The following GALNT4 variants were observed in gnomAD, a reference collection of about 807,000 sequenced individuals.
The protein encoded by GALNT4 is UDP-GalNAc:polypeptide N-acetylgalactosaminyltransferase 4.
Under a neutral mutation model 45.1 loss-of-function variants are expected in GALNT4, and 23 were observed. That is an observed-to-expected ratio of 0.51 (90% confidence interval 0.37 to 0.72). The LOEUF (loss-of-function observed/expected upper bound fraction) is 0.72. Ranked by LOEUF, GALNT4 falls within the 30% of genes least tolerant of loss-of-function variation. The probability of loss-of-function intolerance (pLI) is 0.00; values close to 1 mark genes in which losing one functional copy is unlikely to be tolerated. For synonymous variants in GALNT4, 264 were observed against 257.6 expected, an observed-to-expected ratio of 1.02 and a Z score of -0.24; for missense variants, 757 against 709.0, an observed-to-expected ratio of 1.07 and a Z score of -0.77.
Position 89,523,794 on chromosome 12 carries a change from C to CA in GALNT4, c.755dup (p.Cys253ValfsTer8). 2 of 1,535,122 alleles carry CA rather than the reference C, an allele frequency of 1.3e-6. No individual in the cohort carries two copies. Among genetic ancestry groups the CA allele is most frequent in the Non-Finnish European group, 1.7e-6 (2 of 1,146,370 alleles). On this transcript the variant is annotated frameshift_variant, in exon 1 of 1. Coordinates refer to ENST00000529983, the MANE Select transcript of GALNT4 (RefSeq NM_003774.5). LOFTEE classifies it high-confidence loss of function. ...AATCAATTGTGTCTATAACAGGACA[C>CA]ACAACTGCTGTTTCATCTCTCCCAA...
In GALNT4 at chr12:89,524,371, G is replaced by A; in HGVS notation, c.179C>T (p.Ser60Phe). ...SDLQKNTEDL[S>F]RPLYKKPPAD... Reference sequence around the variant, plus strand: ...AGGGGGCTTCTTATAAAGCGGTCGAGACAAATCCTCCGTATTTTTCTGGAG... The same window carrying A: ...AGGGGGCTTCTTATAAAGCGGTCGAAACAAATCCTCCGTATTTTTCTGGAG... Residue 60 changes from serine (S) to phenylalanine (F), a missense_variant, in exon 1 of 1, where the codon TCT becomes TTT. Ser to Phe is a radical substitution (Grantham distance 155). Transcript: ENST00000529983. 1 of 1,614,040 alleles carries A rather than the reference G, an allele frequency of 6.2e-7. No individual in the cohort carries two copies. The highest frequency in any genetic ancestry group is 1.3e-5 in the African/African-American group (1 of 75,046).
chr12:89,523,875 G>T lies in GALNT4; in HGVS notation c.675C>A (p.Phe225Leu). The T allele has an allele frequency of 6.4e-7, 1 of 1,571,114 alleles. No homozygotes were observed. ...ATFATGDVLT[F>L]LDCHCECNSG... Reference sequence around the variant, plus strand: ...AATTACACTCACAGTGACAATCCAGGAAAGTGAGGACGTCCCCAGTGGCGA... The same window carrying T: ...AATTACACTCACAGTGACAATCCAGTAAAGTGAGGACGTCCCCAGTGGCGA... Residue 225 changes from phenylalanine (F) to leucine (L), a missense_variant, in exon 1 of 1, where the codon TTC (phenylalanine) becomes TTA (leucine). Phe to Leu is a conservative substitution (Grantham distance 22, BLOSUM62 0). Transcript: ENST00000529983.
chr12:89,523,125 A>C lies in GALNT4; in HGVS notation c.1425T>G (p.Phe475Leu). The C allele has an allele frequency of 6.2e-7, 1 of 1,613,992 alleles. No homozygotes were observed. The highest frequency in any genetic ancestry group is 8.5e-7 in the Non-Finnish European group (1 of 1,179,824). ...GATTGCCTCCTTGACCATGGCATCC[A>C]AACAGTGAAAGGTTAGCACCTGTGG... is the stretch of plus-strand genomic sequence containing the variant. ...NNPTGANLSL[F>L]GCHGQGGNQF... is the part of the protein sequence containing the mutation. Residue 475 changes from phenylalanine to leucine, a missense_variant, in exon 1 of 1, where the codon TTT becomes TTG. Transcript: ENST00000529983.
rs781692884 is a variant in GALNT4 at position 89,523,899 on chromosome 12, G to T, written c.651C>A (p.Phe217Leu). Reference sequence around the variant, plus strand: ...GGAAAGTGAGGACGTCCCCAGTGGCGAAAGTGGCCCCAATCAGACGGGCCC... The same window carrying T: ...GGAAAGTGAGGACGTCCCCAGTGGCTAAAGTGGCCCCAATCAGACGGGCCC... ...LVRARLIGAT[F>L]ATGDVLTFLD... is the part of the protein sequence containing the mutation. Residue 217 changes from phenylalanine (F) to leucine (L), a missense_variant, in exon 1 of 1, where the codon TTC becomes TTA. Coordinates refer to ENST00000529983, the MANE Select transcript of GALNT4 (RefSeq NM_003774.5). 1.3e-6 allele frequency: 2 copies of T among 1,588,440 alleles called. No homozygotes were observed. Among genetic ancestry groups the T allele is most frequent in the South Asian group, 2.3e-5 (2 of 86,576 alleles).
Position 89,523,447 on chromosome 12 carries a change from GC to G in GALNT4, c.1102del (p.Ala368HisfsTer52). 6.2e-7 allele frequency: 1 copy of G among 1,614,050 alleles called. No individual in the cohort carries two copies. The highest frequency in any genetic ancestry group is 1.1e-5 in the South Asian group (1 of 91,062). On this transcript the variant is annotated frameshift_variant, in exon 1 of 1. Coordinates refer to ENST00000529983, the MANE Select transcript of GALNT4 (RefSeq NM_003774.5). LOFTEE classifies it high-confidence loss of function. ...SHVGHVFPKR[A>X]PYARPNFLQN... Reference sequence around the variant, plus strand: ...TAGGAAATTGGGGCGAGCATATGGTGCCCGCTTGGGGAACACATGGCCCACG... The same window carrying G: ...TAGGAAATTGGGGCGAGCATATGGTGCCGCTTGGGGAACACATGGCCCACG...
In GALNT4 at chr12:89,524,097, C is replaced by T; in HGVS notation, c.453G>A (p.Leu151=). The change falls in exon 1 of 1, where the codon TTG becomes TTA. Residue 151 remains leucine (L), a synonymous_variant. Coordinates refer to ENST00000529983, the MANE Select transcript of GALNT4 (RefSeq NM_003774.5). ...IAFYNEAWST[L]LRTIHSVLET... is the part of the protein sequence containing the mutation. Reference sequence around the variant, plus strand: ...CTAAAACACTGTGAATGGTACGGAGCAAAGTCGACCAGGCTTCGTTATAGA... The same window carrying T: ...CTAAAACACTGTGAATGGTACGGAGTAAAGTCGACCAGGCTTCGTTATAGA... 1 of 1,613,974 alleles carries T rather than the reference C, an allele frequency of 6.2e-7. No individual in the cohort carries two copies.
In GALNT4 at chr12:89,523,695, C is replaced by T; in HGVS notation, c.855G>A (p.Gln285=). Residue 285 remains glutamine, a synonymous_variant, in exon 1 of 1, where the codon CAG becomes CAA. Coordinates refer to ENST00000529983, the MANE Select transcript of GALNT4 (RefSeq NM_003774.5). ...TTTCCTGTTTGGGGACAGAATGCCA[C>T]TGAAATGTTAAACGCCAGTCAAACC... ...IGGFDWRLTF[Q]WHSVPKQERD... The T allele has an allele frequency of 1.3e-6, 2 of 1,543,564 alleles. No individual in the cohort carries two copies.
In GALNT4 at chr12:89,523,332, A is replaced by G. The variant is rs1871091286; in HGVS notation, c.1218T>C (p.Tyr406=). 6.2e-7 allele frequency: 1 copy of G among 1,613,958 alleles called. No individual in the cohort carries two copies. Among genetic ancestry groups the G allele is most frequent in the African/African-American group, 1.3e-5 (1 of 74,954 alleles). Residue 406 remains tyrosine (Y), a synonymous_variant, in exon 1 of 1, where the codon TAT becomes TAC. Transcript: ENST00000529983. The part of the protein sequence containing the change: ...NRNPPARKEA[Y]GDISERKLLR... Reference sequence around the variant, plus strand: ...GTAATTTTCTTTCAGAAATATCACCATAAGCTTCTTTTCTTGCTGGAGGGT... The same window carrying G: ...GTAATTTTCTTTCAGAAATATCACCGTAAGCTTCTTTTCTTGCTGGAGGGT...
In GALNT4 at chr12:89,523,544, C is replaced by T; in HGVS notation, c.1006G>A (p.Gly336Ser). ...TYDTGMEVWG[G>S]ENLELSFRVW... is the part of the protein sequence containing the mutation. The stretch of plus-strand genomic sequence containing the variant: ...CTAAAAGACAGCTCAAGGTTTTCAC[C>T]TCCCCACACTTCCATTCCTGTGTCA... The change falls in exon 1 of 1, where the codon GGT (glycine) becomes AGT (serine). Residue 336 changes from glycine to serine, a missense_variant. By Grantham distance (56) the Gly-to-Ser change is moderately conservative. Transcript: ENST00000529983. 1 of 1,600,896 alleles carries T rather than the reference C, an allele frequency of 6.2e-7. No individual in the cohort carries two copies.
Position 89,523,210 on chromosome 12 carries a change from G to GC in GALNT4, c.1339dup (p.Ala447GlyfsTer5), listed in dbSNP as rs759235630. 13 of 1,613,962 alleles carry GC rather than the reference G, an allele frequency of 8.1e-6. No individual in the cohort carries two copies. The highest frequency in any genetic ancestry group is 5.1e-6 in the Non-Finnish European group (6 of 1,179,872). ...AGACGAGATCCCTCTACTGCGAATA[G>GC]CCCCATGCCAGCCTGGTCTATCCTC... On this transcript the variant is annotated frameshift_variant, in exon 1 of 1. Coordinates refer to ENST00000529983, the MANE Select transcript of GALNT4 (RefSeq NM_003774.5). LOFTEE classifies it high-confidence loss of function.
Position 89,523,320 on chromosome 12 carries a change from A to T in GALNT4, c.1230T>A (p.Ser410=). The change falls in exon 1 of 1, where the codon TCT becomes TCA. Residue 410 remains serine, a synonymous_variant. Transcript: ENST00000529983. ...ACCGCTCTCGTAGTAATTTTCTTTC[A>T]GAAATATCACCATAAGCTTCTTTTC... ...PARKEAYGDI[S]ERKLLRERLR... 7 of 1,614,086 alleles carry T rather than the reference A, an allele frequency of 4.3e-6. No homozygotes were observed. The highest frequency in any genetic ancestry group is 5.9e-6 in the Non-Finnish European group (7 of 1,179,910).
Position 89,523,378 on chromosome 12 carries a change from TTG to T in GALNT4, c.1170_1171del (p.Tyr390Ter). The T allele has an allele frequency of 1.2e-6, 2 of 1,614,068 alleles. No individual in the cohort carries two copies. Among genetic ancestry groups the T allele is most frequent in the Non-Finnish European group, 1.7e-6 (2 of 1,179,902 alleles). ...AGGGTTTCTATTGTAGAAGTGCTCT[TTG>T]TATTCATCCATCCAAACTTCTGCTG... On this transcript the variant is annotated stop_gained and frameshift_variant, in exon 1 of 1. Transcript: ENST00000529983. LOFTEE classifies it high-confidence loss of function.
rs546169323 is a variant in GALNT4 at position 89,524,626 on chromosome 12, G to C, written c.-77C>G. On this transcript the variant is annotated 5_prime_UTR_variant, in exon 1 of 1. Coordinates refer to ENST00000529983, the MANE Select transcript of GALNT4 (RefSeq NM_003774.5). ...GGAAGGGCGGCGGAACCCACAGCTC[G>C]AGCTCAGGTACTTCCCAGCAGGTTC... The C allele has an allele frequency of 2.7e-6, 4 of 1,463,426 alleles. No individual in the cohort carries two copies. In the African/African-American group the frequency reaches 4.2e-5, roughly 15 times the overall value. 90.7% of individuals were successfully genotyped at this position (1,463,426 alleles called of 1,614,324 possible). A position where few individuals can be genotyped will look rare whatever the true frequency, so the allele number is the denominator to read the frequency against.
chr12:89,522,736 A>T lies in GALNT4; in HGVS notation c.*77T>A. 6.7e-7 allele frequency: 1 copy of T among 1,497,286 alleles called. No homozygotes were observed. Among genetic ancestry groups the T allele is most frequent in the Non-Finnish European group, 8.9e-7 (1 of 1,124,828 alleles). The allele number at this position is 1,497,286 out of a possible 1,614,324, so 92.8% of individuals were successfully genotyped here. A position where few individuals can be genotyped will look rare whatever the true frequency, so the allele number is the denominator to read the frequency against. ...GGTGGCTTTTGATAAAATAAAATAC[A>T]ATCTTCACTGAGGCTCTTAAGGCTC... On this transcript the variant is annotated 3_prime_UTR_variant, in exon 1 of 1. Coordinates refer to ENST00000529983, the MANE Select transcript of GALNT4 (RefSeq NM_003774.5).
At position 89,523,297 on chromosome 12, in the gene GALNT4, C is replaced by G; in HGVS notation, c.1253G>C (p.Arg418Pro). 1.9e-6 allele frequency: 3 copies of G among 1,614,050 alleles called. No individual in the cohort carries two copies. Among genetic ancestry groups the G allele is most frequent in the African/African-American group, 1.3e-5 (1 of 75,050 alleles). ...DISERKLLRERLRCKSFDWYL... is the reference protein window; with the variant it reads ...DISERKLLREPLRCKSFDWYL... Reference sequence around the variant, plus strand: ...CCAGTCAAAGCTCTTGCATCTCAACCGCTCTCGTAGTAATTTTCTTTCAGA... The same window carrying G: ...CCAGTCAAAGCTCTTGCATCTCAACGGCTCTCGTAGTAATTTTCTTTCAGA... Residue 418 changes from arginine to proline, a missense_variant, in exon 1 of 1, where the codon CGG becomes CCG. Arg to Pro is a moderately radical substitution (Grantham distance 103, BLOSUM62 -2). Coordinates refer to ENST00000529983, the MANE Select transcript of GALNT4 (RefSeq NM_003774.5).
At position 89,521,202 on chromosome 12, in the gene GALNT4, C is replaced by T. The variant is rs1426662157; in HGVS notation, c.*1611G>A. 2.0e-5 allele frequency: 3 copies of T among 151,194 alleles called. No individual in the cohort carries two copies. Among genetic ancestry groups the T allele is most frequent in the African/African-American group, 7.3e-5 (3 of 41,000 alleles). 9.4% of individuals were successfully genotyped at this position (151,194 alleles called of 1,614,324 possible). The stretch of plus-strand genomic sequence containing the variant: ...CACTGTAAGCTCTGCCTCACAGGTT[C>T]ACGCCATTCTCCTGCCTCAGCCTCC... On this transcript the variant is annotated 3_prime_UTR_variant, in exon 1 of 1. Coordinates refer to ENST00000529983, the MANE Select transcript of GALNT4 (RefSeq NM_003774.5).
Position 89,521,147 on chromosome 12 carries a change from A to AGGCTGGAGT in GALNT4, c.*1657_*1665dup, listed in dbSNP as rs957015679. 7.1e-6 allele frequency: 1 copy of AGGCTGGAGT among 140,254 alleles called. No individual in the cohort carries two copies. The highest frequency in any genetic ancestry group is 1.5e-5 in the Non-Finnish European group (1 of 66,432). 8.7% of individuals were successfully genotyped at this position (140,254 alleles called of 1,614,324 possible). ...GAGACAGAGTCTTGCTCTGTCGCCCAGGCTGGAGTGCAGTGGCACGATCTC... is the reference window on the plus strand; with the variant it reads ...GAGACAGAGTCTTGCTCTGTCGCCCAGGCTGGAGTGGCTGGAGTGCAGTGGCACGATCTC... On this transcript the variant is annotated 3_prime_UTR_variant, in exon 1 of 1. Coordinates refer to ENST00000529983, the MANE Select transcript of GALNT4 (RefSeq NM_003774.5).
In GALNT4 at chr12:89,520,035, G is replaced by C. The variant is rs547209918; in HGVS notation, c.*2778C>G. ...TAGGGAATCGGTTTTTTTAGATGTA[G>C]AATTACAGAGTATTTTTGGAATTAA... On this transcript the variant is annotated 3_prime_UTR_variant, in exon 1 of 1. Coordinates refer to ENST00000529983, the MANE Select transcript of GALNT4 (RefSeq NM_003774.5). 4 of 152,174 alleles carry C rather than the reference G, an allele frequency of 2.6e-5. No homozygotes were observed. The South Asian group carries it at 8.3e-4, about 32-fold the overall frequency. 9.4% of individuals were successfully genotyped at this position (152,174 alleles called of 1,614,324 possible).
rs1565765420 is a variant in GALNT4 at position 89,523,822 on chromosome 12, C to T, written c.728G>A (p.Arg243Lys). 6.5e-7 allele frequency: 1 copy of T among 1,541,366 alleles called. No individual in the cohort carries two copies. Among genetic ancestry groups the T allele is most frequent in the Non-Finnish European group, 8.7e-7 (1 of 1,149,600 alleles). The change falls in exon 1 of 1, where the codon AGG (arginine) becomes AAG (lysine). Residue 243 changes from arginine to lysine, a missense_variant. Coordinates refer to ENST00000529983, the MANE Select transcript of GALNT4 (RefSeq NM_003774.5). The part of the protein sequence containing the change: ...NSGWLEPLLE[R>K]IGRDETAVVC... Reference sequence around the variant, plus strand: ...AACTGCTGTTTCATCTCTCCCAATCCTTTCCAAAAGCGGTTCCAGCCAACC... The same window carrying T: ...AACTGCTGTTTCATCTCTCCCAATCTTTTCCAAAAGCGGTTCCAGCCAACC...
Sources: allele counts gnomAD v4.1 joint callset, GRCh38; gene constraint gnomAD v4.1.1; transcripts MANE v1.5; gene names NCBI Gene and HGNC (gene_info 2026-07-23, HGNC 2026-07-21).